DNAH9: variants seen among roughly 807,000 people sequenced by gnomAD.
DNAH9 encodes DNAH9 variant protein.
DNAH9 carries 345 observed loss-of-function variants against 471.6 expected under a neutral mutation model. The observed-to-expected ratio is 0.73, with a 90% confidence interval of 0.67 to 0.80. The LOEUF is 0.80. Among genes scored for constraint, DNAH9 ranks in the 30% least tolerant of loss-of-function variants. The pLI, the probability that DNAH9 is intolerant of heterozygous loss-of-function variation, is 0.00. For synonymous variants in DNAH9, 2,093 were observed against 2,123.6 expected (o/e 0.99, Z 0.40); for missense variants, 5,407 against 5,609.2 (o/e 0.96, Z 1.15).
At chr17:11,793,033 TA>T (rs1400338739) in intron 41 of DNAH9, among the ~76,000 whole-genome samples, 3 of 152,226 alleles carry the variant, frequency 2.0e-5, no homozygotes, top group Non-Finnish European at 4.4e-5. Flanking sequence ...TTCAATAAAT[TA>T]TAGCTGTTGC....
At chr17:11,947,957 G>A (rs72815472) in intron 67 of DNAH9, among the ~76,000 whole-genome samples, 26,415 of 151,386 alleles carry the variant, frequency 0.17, 2,402 homozygotes, top group Admixed American at 0.21. Flanking sequence ...AGTAGAGACG[G>A]GGTTTCACCT....
chr17:11,667,084 C>G (rs2073884500), intron 15 of DNAH9, among the ~76,000 whole-genome samples: 1 of 152,080 alleles, frequency 6.6e-6, no homozygotes, highest in Admixed American at 6.5e-5. Context: ...GGCGTTACAT[C>G]CAATGTAGAG....
intron 17 of DNAH9, among the ~76,000 whole-genome samples, chr17:11,679,307 C>A (rs993546474): frequency 6.6e-6 from 1 of 152,214 alleles, no homozygotes; most frequent in African/African-American, 2.4e-5. Flanking sequence ...CTCTTGGAAG[C>A]TTTTTCTATG....
chr17:11,687,760 G>T (rs564982774), intron 19 of DNAH9, among the ~76,000 whole-genome samples: 37 of 152,204 alleles, frequency 2.4e-4, no homozygotes, highest in African/African-American at 8.2e-4. Context: ...TTGAGGATGA[G>T]AGTGAGTATA....
intron 45 of DNAH9, 86 bp downstream of exon 45, chr17:11,810,455 G>T: frequency 6.6e-7 from 1 of 1,515,802 alleles, no homozygotes. Context: ...TCCAGGGTGG[G>T]AAGAGTAAGG....
chr17:11,898,132 CTTTTTT>C (rs35816812), intron 59 of DNAH9, among the ~76,000 whole-genome samples: 1 of 148,422 alleles, frequency 6.7e-6, no homozygotes, highest in African/African-American at 2.5e-5. Flanking sequence ...TTTTCCTTTT[CTTTTTT>C]TTTTTGAGGC....
chr17:11,831,675 A>G lies in DNAH9; in HGVS notation c.9247-2963A>G, dbSNP rs79825688. On this transcript the variant is annotated intron_variant, in intron 48 of 68. Coordinates refer to ENST00000262442, the MANE Select transcript of DNAH9 (RefSeq NM_001372.4). ...CCCCAAATCCTAGAGCTGCCTGAAGAAAGAAAGTTCTCCCCCACAGGCAAT... is the reference window on the plus strand; with the variant it reads ...CCCCAAATCCTAGAGCTGCCTGAAGGAAGAAAGTTCTCCCCCACAGGCAAT... Among the ~76,000 whole-genome samples, 406 of 152,234 alleles carry G rather than the reference A, an allele frequency of 2.7e-3. 1 individual carries two copies. The highest frequency in any genetic ancestry group is 4.0e-3 in the Non-Finnish European group (270 of 68,024).
At chr17:11,812,742 T>C (rs1375608888) in intron 45 of DNAH9, among the ~76,000 whole-genome samples, 1 of 152,192 alleles carries the variant, frequency 6.6e-6, no homozygotes, top group Non-Finnish European at 1.5e-5. Context: ...GCCTACCAAC[T>C]CTTACACCTT....
At position 11,902,893 on chromosome 17, in the gene DNAH9, C is replaced by T. The variant is rs768874580; in HGVS notation, c.11581C>T (p.Arg3861Trp). 17 of 1,613,386 alleles carry T rather than the reference C, an allele frequency of 1.1e-5. No individual in the cohort carries two copies. Among genetic ancestry groups the T allele is most frequent in the South Asian group, 5.5e-5 (5 of 91,044 alleles). Residue 3861 changes from arginine to tryptophan, a missense_variant, in exon 60 of 69, where the codon CGG becomes TGG. Around this residue, in one of 3 missense-constraint regions of DNAH9, gnomAD observed 4,636 missense variants for 4,900.3 expected, o/e 0.95. Transcript: ENST00000262442. ...LCMLRAMRPDRMTYALRDFVE... is the reference protein window; with the variant it reads ...LCMLRAMRPDWMTYALRDFVE... ...CATGCTGAGAGCCATGCGGCCCGACCGGATGACCTATGCTTTGCGGTAGGA... is the reference window on the plus strand; with the variant it reads ...CATGCTGAGAGCCATGCGGCCCGACTGGATGACCTATGCTTTGCGGTAGGA...
intron 14 of DNAH9, among the ~76,000 whole-genome samples, chr17:11,663,857 G>A (rs982657808): frequency 6.6e-6 from 1 of 152,198 alleles, no homozygotes; most frequent in African/African-American, 2.4e-5. Flanking sequence ...TTTGCATGGT[G>A]ATGGACTTTA....
chr17:11,939,890 G>A (rs1974844797), intron 66 of DNAH9, among the ~76,000 whole-genome samples: 1 of 151,918 alleles, frequency 6.6e-6, no homozygotes, highest in Non-Finnish European at 1.5e-5. Flanking sequence ...ATGGATGAAT[G>A]GATGGATGGA....
intron 38 of DNAH9, among the ~76,000 whole-genome samples, chr17:11,772,850 T>C (rs1968266036): frequency 6.6e-6 from 1 of 152,196 alleles, no homozygotes; most frequent in African/African-American, 2.4e-5. Context: ...GCAGCATATA[T>C]GTTACAACAT....
intron 27 of DNAH9, among the ~76,000 whole-genome samples, chr17:11,723,866 T>G (rs2075106786): frequency 2.0e-5 from 3 of 151,764 alleles, no homozygotes; most frequent in South Asian, 4.2e-4. Context: ...GTAGAGACGG[T>G]GTCTCACTGT....
rs887638575 is a variant in DNAH9 at position 11,892,806 on chromosome 17, G to A, written c.11283+859G>A. On this transcript the variant is annotated intron_variant, in intron 58 of 68. Transcript: ENST00000262442. The surrounding 1 kb of genome is among the most constrained non-coding windows in gnomAD (Gnocchi z 4.3). ...TGACCTCAGGTGATCCACCCGCCTC[G>A]GCCTACCAAAGTGCTGGGATTACAG... Among the ~76,000 whole-genome samples, 5 of 151,966 alleles carry A rather than the reference G, an allele frequency of 3.3e-5. No individual in the cohort carries two copies. Among genetic ancestry groups the A allele is most frequent in the African/African-American group, 4.8e-5 (2 of 41,364 alleles).
chr17:11,825,503 G>C (rs1035383011), intron 48 of DNAH9, among the ~76,000 whole-genome samples: 1 of 152,176 alleles, frequency 6.6e-6, no homozygotes, highest in African/African-American at 2.4e-5. Context: ...TTTGTACAGA[G>C]CCTGGGTCTT....
chr17:11,695,584 G>A (rs1368613782), intron 22 of DNAH9, among the ~76,000 whole-genome samples: 2 of 152,170 alleles, frequency 1.3e-5, no homozygotes, highest in East Asian at 1.9e-4. Context: ...TGCTGTGTTC[G>A]AAGGTTTTTT....
intron 68 of DNAH9, among the ~76,000 whole-genome samples, chr17:11,967,405 T>C (rs9899569): frequency 0.52 from 78,733 of 151,980 alleles, 20,519 homozygotes; most frequent in Middle Eastern, 0.58. Flanking sequence ...CCATGCCCAG[T>C]CTTAGAATGG....
intron 38 of DNAH9, among the ~76,000 whole-genome samples, chr17:11,771,032 CAT>C (rs1260601248): frequency 3.3e-5 from 5 of 152,162 alleles, no homozygotes; most frequent in Non-Finnish European, 7.3e-5. Flanking sequence ...CCAGTATACA[CAT>C]GATAGTAAAT....
chr17:11,924,191 A>G (rs1974235171), intron 62 of DNAH9, among the ~76,000 whole-genome samples: 1 of 152,170 alleles, frequency 6.6e-6, no homozygotes, highest in South Asian at 2.1e-4. Context: ...CTCTACTTAT[A>G]AAAGAAACAG....
Sources: allele counts gnomAD v4.1 joint callset (sites outside exome capture counted in the v4.1 genomes callset), GRCh38; gene constraint gnomAD v4.1.1; regional missense constraint gnomAD v4.1.1; non-coding constraint Gnocchi (gnomAD v3.1); transcripts MANE v1.5; gene names NCBI Gene and HGNC (gene_info 2026-07-23, HGNC 2026-07-21).